Variants in SLC12A1 observed in about 807,000 individuals in gnomAD.
SLC12A1 encodes the protein solute carrier family 12 member 1.
In SLC12A1, 89 loss-of-function variants were observed where a neutral mutation model predicts 130.4. The ratio of observed to expected loss-of-function variants is 0.68; its 90% CI spans 0.58 to 0.81. The LOEUF is 0.81. SLC12A1 is among the 40% of genes least tolerant of loss of function. The pLI is 0.00. For synonymous variants in SLC12A1, 499 were observed against 460.0 expected, an observed-to-expected ratio of 1.08 and a Z score of -1.09; for missense variants, 1,310 against 1,336.4, an observed-to-expected ratio of 0.98 and a Z score of 0.31.
chr15:48,265,340 A>T (rs2041821249), intron 17 of SLC12A1, among the ~76,000 whole-genome samples: 1 of 152,230 alleles, frequency 6.6e-6, no homozygotes, highest in South Asian at 2.1e-4. Flanking sequence ...TATTTAAATA[A>T]ATGCCATTCT....
intron 5 of SLC12A1, chr15:48,227,145 C>T (rs1365216834): frequency 6.4e-7 from 1 of 1,551,800 alleles, no homozygotes; most frequent in Non-Finnish European, 8.7e-7. Flanking sequence ...TCTATGTCTG[C>T]TATTTGCACG....
At chr15:48,227,088 T>C (rs2041299230) in intron 5 of SLC12A1, 21 of 1,551,626 alleles carry the variant, frequency 1.4e-5, no homozygotes, top group Non-Finnish European at 1.8e-5. Context: ...GGTCTTGGAG[T>C]CATCATCATT....
Position 48,295,189 on chromosome 15 carries a change from C to T in SLC12A1, c.2960+3325C>T, listed in dbSNP as rs758359714. Among the ~76,000 whole-genome samples, 5 of 151,998 alleles carry T rather than the reference C, an allele frequency of 3.3e-5. No individual in the cohort carries two copies. In the East Asian group the frequency reaches 5.8e-4, roughly 18 times the overall value. Reference sequence around the variant, plus strand: ...CTTCCCAAAGTGCTGGAATTACAGGCATGAGCCACCACACCTGGCCTCACC... The same window carrying T: ...CTTCCCAAAGTGCTGGAATTACAGGTATGAGCCACCACACCTGGCCTCACC... On this transcript the variant is annotated intron_variant, in intron 24 of 26. Coordinates refer to ENST00000380993, the MANE Select transcript of SLC12A1 (RefSeq NM_000338.3).
In SLC12A1 at chr15:48,232,707, C is replaced by T; in HGVS notation, c.976-20C>T. ...TGTTAAATAAATCTGATTTGGTTTC[C>T]TTTTACCTTTCCATTCCAGGCCCAA... On this transcript the variant is annotated intron_variant, in intron 7 of 26. Transcript: ENST00000380993. The T allele has an allele frequency of 4.8e-6, 7 of 1,456,560 alleles. No homozygotes were observed. The highest frequency in any genetic ancestry group is 1.4e-5 in the African/African-American group (1 of 72,004). The allele number at this position is 1,456,560 out of a possible 1,614,324, so 90.2% of individuals were successfully genotyped here. A position where few individuals can be genotyped will look rare whatever the true frequency, so the allele number is the denominator to read the frequency against.
At chr15:48,257,081 A>G (rs1207236994) in intron 16 of SLC12A1, among the ~76,000 whole-genome samples, 1 of 152,232 alleles carries the variant, frequency 6.6e-6, no homozygotes, top group Non-Finnish European at 1.5e-5. Context: ...CAAAGGGGCT[A>G]CATGCCCCAT....
intron 24 of SLC12A1, among the ~76,000 whole-genome samples, chr15:48,292,379 C>T (rs567776407): frequency 6.6e-6 from 1 of 151,646 alleles, no homozygotes; most frequent in Admixed American, 6.6e-5. Context: ...ACGTCTAAAA[C>T]TATTTGAAGC....
intron 1 of SLC12A1, among the ~76,000 whole-genome samples, chr15:48,206,910 A>T (rs929319703): frequency 6.6e-6 from 1 of 152,170 alleles, no homozygotes; most frequent in African/African-American, 2.4e-5. Context: ...TGTATGAGCA[A>T]ATGAAACATT....
At chr15:48,243,879 C>G (rs1167692246) in intron 10 of SLC12A1, among the ~76,000 whole-genome samples, 1 of 152,186 alleles carries the variant, frequency 6.6e-6, no homozygotes, top group Non-Finnish European at 1.5e-5. Flanking sequence ...ATTTATCCTT[C>G]ATGTAGTTCA....
chr15:48,248,496 T>G (rs1183703914), intron 13 of SLC12A1, among the ~76,000 whole-genome samples: 1 of 152,214 alleles, frequency 6.6e-6, no homozygotes, highest in East Asian at 1.9e-4. Context: ...TCAGAACAAG[T>G]GCATTGGCTC....
intron 19 of SLC12A1, among the ~76,000 whole-genome samples, chr15:48,274,078 G>C (rs74704759): frequency 5.9e-5 from 9 of 152,132 alleles, no homozygotes; most frequent in African/African-American, 2.2e-4. Flanking sequence ...CCAAATGACC[G>C]GTTTAGAGTC....
intron 24 of SLC12A1, among the ~76,000 whole-genome samples, chr15:48,296,585 A>G (rs2042179276): frequency 6.6e-6 from 1 of 152,334 alleles, no homozygotes; most frequent in African/African-American, 2.4e-5. Context: ...CTTTGAGAGA[A>G]GAAATTTTAT....
intron 23 of SLC12A1, among the ~76,000 whole-genome samples, chr15:48,289,045 T>A (rs569774742): frequency 6.6e-6 from 1 of 152,024 alleles, no homozygotes; most frequent in Admixed American, 6.6e-5. Context: ...CCCCAGTTTC[T>A]CCTTTGTAGT....
chr15:48,260,081 A>G (rs1423668570), intron 17 of SLC12A1, among the ~76,000 whole-genome samples: 2 of 152,044 alleles, frequency 1.3e-5, no homozygotes, highest in African/African-American at 2.4e-5. Context: ...CATGACGATC[A>G]TGGCAAAACC....
intron 20 of SLC12A1, among the ~76,000 whole-genome samples, chr15:48,275,089 A>C (rs2041937379): frequency 6.6e-6 from 1 of 152,208 alleles, no homozygotes; most frequent in African/African-American, 2.4e-5. Flanking sequence ...TCATGCTGTG[A>C]ATCACTAATC....
At chr15:48,255,557 A>G (rs2041697799) in intron 15 of SLC12A1, among the ~76,000 whole-genome samples, 2 of 152,176 alleles carry the variant, frequency 1.3e-5, no homozygotes. Context: ...ACCAAGCAAG[A>G]TTTCTAGGAC....
chr15:48,232,738 T>A lies in SLC12A1; in HGVS notation c.987T>A (p.Ile329=). ...CCTTTCCATTCCAGGCCCAAGTCAT[T>A]CTTCTGGTCATTCTTCTAATTGCTA... The part of the protein sequence containing the change: ...GMEWEAKAQV[I]LLVILLIAIA... The change falls in exon 8 of 27, where the codon ATT becomes ATA. Residue 329 remains isoleucine, a synonymous_variant. Transcript: ENST00000380993. 1 of 1,606,742 alleles carries A rather than the reference T, an allele frequency of 6.2e-7. No homozygotes were observed. Among genetic ancestry groups the A allele is most frequent in the Non-Finnish European group, 8.5e-7 (1 of 1,173,274 alleles).
chr15:48,292,190 T>C (rs2042129007), intron 24 of SLC12A1, among the ~76,000 whole-genome samples: 1 of 152,226 alleles, frequency 6.6e-6, no homozygotes, highest in Non-Finnish European at 1.5e-5. Context: ...AATGGAGCCA[T>C]CAGGGCAAGT....
chr15:48,250,826 T>C (rs2041639918), intron 14 of SLC12A1, among the ~76,000 whole-genome samples: 1 of 152,150 alleles, frequency 6.6e-6, no homozygotes, highest in Non-Finnish European at 1.5e-5. Flanking sequence ...TTCTGCTGTG[T>C]TTTGGCAACT....
chr15:48,230,393 G>A lies in SLC12A1; in HGVS notation c.865G>A (p.Glu289Lys). 1 of 1,600,668 alleles carries A rather than the reference G, an allele frequency of 6.2e-7. No individual in the cohort carries two copies. The highest frequency in any genetic ancestry group is 8.6e-7 in the Non-Finnish European group (1 of 1,169,508). ...AGCACTTAATAATTTGTTTCCCCAG[G>A]AGAGTGATTCGATGATGGTGGATCC... ...FAETVVDLLK[E>K]SDSMMVDPTN... is the part of the protein sequence containing the mutation. Residue 289 changes from glutamate to lysine, a missense_variant and splice_region_variant, in exon 7 of 27, where the codon GAG becomes AAG. Glu to Lys is a moderately conservative substitution (Grantham distance 56, BLOSUM62 1). Transcript: ENST00000380993.
Sources: allele counts gnomAD v4.1 joint callset (sites outside exome capture counted in the v4.1 genomes callset), GRCh38; gene constraint gnomAD v4.1.1; transcripts MANE v1.5; gene names NCBI Gene and HGNC (gene_info 2026-07-23, HGNC 2026-07-21).